The following USP20 variants were observed in gnomAD, a reference collection of about 807,000 sequenced individuals.
USP20 encodes the protein ubiquitin specific peptidase 20, also known as ubiquitin carboxyl-terminal hydrolase 20.
USP20 carries 80 observed loss-of-function variants against 124.2 expected under a neutral mutation model. That is an observed-to-expected ratio of 0.64 (90% confidence interval 0.54 to 0.78). The LOEUF is 0.78. Among genes scored for constraint, USP20 ranks in the 30% least tolerant of loss-of-function variants. The probability of loss-of-function intolerance (pLI) is 0.00; values close to 1 mark genes in which losing one functional copy is unlikely to be tolerated. For synonymous variants in USP20, 481 were observed against 512.3 expected, an observed-to-expected ratio of 0.94 and a Z score of 0.83; for missense variants, 1,043 against 1,244.4, an observed-to-expected ratio of 0.84 and a Z score of 2.44.
At chr9:129,841,559 T>C (rs2032214373) in intron 1 of USP20, among the ~76,000 whole-genome samples, 1 of 152,156 alleles carries the variant, frequency 6.6e-6, no homozygotes, top group Admixed American at 6.5e-5. Flanking sequence ...TCCCCCCACA[T>C]TGACCCACAA....
At chr9:129,862,540 G>A (rs1271930824) in intron 8 of USP20, among the ~76,000 whole-genome samples, 1 of 122,592 alleles carries the variant, frequency 8.2e-6, no homozygotes. Flanking sequence ...GTGACAGAGC[G>A]AGACTCCGTC....
In USP20 at chr9:129,854,526, C is replaced by T. The variant is rs763442529; in HGVS notation, c.82-1781C>T. Among the ~76,000 whole-genome samples, 6 of 152,058 alleles carry T rather than the reference C, an allele frequency of 3.9e-5. No homozygotes were observed. The South Asian group carries it at 6.2e-4, about 16-fold the overall frequency. Reference sequence around the variant, plus strand: ...ATCACCCCCTCAAGATCCAGGCATACGTGTTTTATGTAAGAAGAATGTACG... The same window carrying T: ...ATCACCCCCTCAAGATCCAGGCATATGTGTTTTATGTAAGAAGAATGTACG... On this transcript the variant is annotated intron_variant, in intron 3 of 25. Coordinates refer to ENST00000372429, the MANE Select transcript of USP20 (RefSeq NM_001110303.4).
intron 1 of USP20, among the ~76,000 whole-genome samples, chr9:129,841,863 G>A (rs948570789): frequency 6.6e-5 from 10 of 152,144 alleles, no homozygotes; most frequent in Non-Finnish European, 1.3e-4. Context: ...CCATCACCAT[G>A]GCGCCTGTTC....
chr9:129,873,029 T>C (rs1285127280), intron 15 of USP20, among the ~76,000 whole-genome samples: 1 of 151,812 alleles, frequency 6.6e-6, no homozygotes, highest in African/African-American at 2.4e-5. Context: ...AGCCAGGGCC[T>C]TCCCTCCCTC....
intron 4 of USP20, 111 bp downstream of exon 4, chr9:129,856,471 T>G (rs1042885232): frequency 5.7e-5 from 73 of 1,287,594 alleles, no homozygotes; most frequent in Middle Eastern, 1.9e-4. Flanking sequence ...CCATCCCTAG[T>G]GGGCACTGCC....
At chr9:129,878,510 A>AG in intron 23 of USP20, 70 bp downstream of exon 23, 1 of 1,388,516 alleles carries the variant, frequency 7.2e-7, no homozygotes, top group South Asian at 1.4e-5. Flanking sequence ...CTGGCAGGGG[A>AG]GGGCTGGCAC....
rs141175470 is a variant in USP20 at position 129,837,513 on chromosome 9, T to C, written c.-129+2014T>C. 4.1e-3 allele frequency among the ~76,000 whole-genome samples: 615 copies of C among 151,736 alleles called. 18 individuals are homozygous for C. Among genetic ancestry groups the C allele is most frequent in the East Asian group, 0.029 (147 of 5,140 alleles). On this transcript the variant is annotated intron_variant, in intron 1 of 25. Coordinates refer to ENST00000372429, the MANE Select transcript of USP20 (RefSeq NM_001110303.4). ...CCAATAAATGTATTTATTGGATCAATGTATTCAACAGATTCTTAGCATTTA... is the reference window on the plus strand; with the variant it reads ...CCAATAAATGTATTTATTGGATCAACGTATTCAACAGATTCTTAGCATTTA...
rs374168943 is a variant in USP20 at position 129,875,326 on chromosome 9, G to A, written c.2065G>A (p.Ala689Thr). 6.2e-7 allele frequency: 1 copy of A among 1,610,492 alleles called. No individual in the cohort carries two copies. Among genetic ancestry groups the A allele is most frequent in the African/African-American group, 1.3e-5 (1 of 75,032 alleles). The change falls in exon 20 of 26, where the codon GCC becomes ACC. Residue 689 changes from alanine (A) to threonine (T), a missense_variant. Ala to Thr is a moderately conservative substitution (Grantham distance 58). Transcript: ENST00000372429. Reference protein sequence around the residue: ...VLFYRKSSEEAMRERQQVVSL... With the variant: ...VLFYRKSSEETMRERQQVVSL... The stretch of plus-strand genomic sequence containing the variant: ...ACCCCACAGGAAGAGCAGCGAGGAG[G>A]CCATGCGGGAGCGACAGCAGGTGGT...
At chr9:129,870,381 A>G in intron 14 of USP20, 72 bp from the exon 15 acceptor site, 3 of 1,522,656 alleles carry the variant, frequency 2.0e-6, no homozygotes, top group Non-Finnish European at 2.7e-6. Context: ...GACAGACCTC[A>G]GCCAGAGTCC....
chr9:129,846,252 T>A lies in USP20; in HGVS notation c.-128-3561T>A, dbSNP rs1438340466. ...CCATATATATATATATATATATTTTTTTTTTTTTTTTTTTTTTTTTTGAGA... is the reference window on the plus strand; with the variant it reads ...CCATATATATATATATATATATTTTATTTTTTTTTTTTTTTTTTTTTGAGA... On this transcript the variant is annotated intron_variant, in intron 1 of 25. Transcript: ENST00000372429. Among the ~76,000 whole-genome samples the A allele has an allele frequency of 7.5e-3, 830 of 111,010 alleles. 5 individuals are homozygous for A. The highest frequency in any genetic ancestry group is 0.029 in the African/African-American group (762 of 26,526). The allele number at this position is 111,010 out of a possible 152,430, so 72.8% of individuals were successfully genotyped here.
At chr9:129,849,148 T>G (rs1439683411) in intron 1 of USP20, among the ~76,000 whole-genome samples, 2 of 152,192 alleles carry the variant, frequency 1.3e-5, no homozygotes, top group Admixed American at 6.5e-5. Flanking sequence ...TGATGGACTG[T>G]GGTAGCCTGA....
chr9:129,854,434 G>C (rs1215502268), intron 3 of USP20, among the ~76,000 whole-genome samples: 1 of 152,154 alleles, frequency 6.6e-6, no homozygotes, highest in Non-Finnish European at 1.5e-5. Flanking sequence ...TTCATGTACA[G>C]ACTTGGGTGA....
chr9:129,856,054 C>A lies in USP20; in HGVS notation c.82-253C>A, dbSNP rs1412763129. 3.3e-5 allele frequency among the ~76,000 whole-genome samples: 5 copies of A among 152,342 alleles called. No homozygotes were observed. In the East Asian group the frequency reaches 9.6e-4, roughly 29 times the overall value. ...AAGATTAGGTTATAGACACTAAAAT[C>A]ATAAAATGTTGATTTGAAAATGTTT... On this transcript the variant is annotated intron_variant, in intron 3 of 25. Coordinates refer to ENST00000372429, the MANE Select transcript of USP20 (RefSeq NM_001110303.4).
chr9:129,848,304 A>G (rs969859795), intron 1 of USP20, among the ~76,000 whole-genome samples: 1 of 152,062 alleles, frequency 6.6e-6, no homozygotes, highest in Non-Finnish European at 1.5e-5. Flanking sequence ...CTCAAGCAAA[A>G]CAAAACAAAA....
Position 129,873,080 on chromosome 9 carries a change from C to CTTTTTTTTT in USP20, c.1661-391_1661-383dup, listed in dbSNP as rs59712662. Among the ~76,000 whole-genome samples the CTTTTTTTTT allele has an allele frequency of 1.4e-3, 111 of 78,336 alleles. 5 individuals carry two copies. The highest frequency in any genetic ancestry group is 2.7e-3 in the East Asian group (6 of 2,228). The allele number at this position is 78,336 out of a possible 152,430, so 51.4% of individuals were successfully genotyped here. ...TTTATTTCTTTTTCTTTTTCTTCTT[C>CTTTTTTTTT]TTTTTTTTTTTTTTTTTTTGAGATG... On this transcript the variant is annotated intron_variant, in intron 15 of 25. Transcript: ENST00000372429.
chr9:129,872,550 T>C (rs72757213), intron 15 of USP20, among the ~76,000 whole-genome samples: 5 of 152,346 alleles, frequency 3.3e-5, no homozygotes, highest in Admixed American at 3.3e-4. Context: ...TTGTGTCTTT[T>C]GCTTTGGTTG....
chr9:129,858,202 G>T (rs1299956973), intron 5 of USP20, 90 bp downstream of exon 5: 2 of 1,399,160 alleles, frequency 1.4e-6, no homozygotes, highest in African/African-American at 1.4e-5. Context: ...GGCCTAAATG[G>T]CTGGGGCAAT....
At position 129,879,273 on chromosome 9, in the gene USP20, C is replaced by A; in HGVS notation, c.2513-300C>A. 2.5e-6 allele frequency: 1 copy of A among 406,302 alleles called. No homozygotes were observed. Among genetic ancestry groups the A allele is most frequent in the Non-Finnish European group, 4.4e-6 (1 of 224,736 alleles). 25.2% of individuals were successfully genotyped at this position (406,302 alleles called of 1,614,324 possible). ...TGGTTGCCGAGGCTAAATGAGATAG[C>A]TGGGCAGAGGGGAAGGGGCGTGGTG... On this transcript the variant is annotated intron_variant, in intron 23 of 25. Transcript: ENST00000372429. The surrounding 1 kb of genome is among the most constrained non-coding windows in gnomAD (Gnocchi z 4.2).
chr9:129,835,502 G>A lies in USP20; in HGVS notation c.-129+3G>A, dbSNP rs2031739549. ...CGGCGGCGCAGTTGCGAGTGCAGGT[G>A]AGTTCCGGGCCGCCACCGGCTGCTT... is the stretch of plus-strand genomic sequence containing the variant. On this transcript the variant is annotated splice_donor_region_variant and intron_variant, in intron 1 of 25. Coordinates refer to ENST00000372429, the MANE Select transcript of USP20 (RefSeq NM_001110303.4). 2.9e-6 allele frequency: 1 copy of A among 347,486 alleles called. No homozygotes were observed. The highest frequency in any genetic ancestry group is 5.2e-6 in the Non-Finnish European group (1 of 192,646). 21.5% of individuals were successfully genotyped at this position (347,486 alleles called of 1,614,324 possible). A position where few individuals can be genotyped will look rare whatever the true frequency, so the allele number is the denominator to read the frequency against.
Sources: allele counts gnomAD v4.1 joint callset (sites outside exome capture counted in the v4.1 genomes callset), GRCh38; gene constraint gnomAD v4.1.1; non-coding constraint Gnocchi (gnomAD v3.1); transcripts MANE v1.5; gene names NCBI Gene and HGNC (gene_info 2026-07-23, HGNC 2026-07-21).